Variants in IQSEC1 observed in about 807,000 individuals in gnomAD.
IQSEC1 encodes IQ motif and Sec7 domain ArfGEF 1.
A neutral mutation model predicts 91.0 loss-of-function variants in IQSEC1; 31 were observed. The observed-to-expected ratio is 0.34, with a 90% CI of 0.26 to 0.46. The LOEUF (loss-of-function observed/expected upper bound fraction) is 0.46, where lower values mean the gene tolerates loss of function less well. IQSEC1 is among the 20% of genes least tolerant of loss of function. IQSEC1 has a pLI of 1.00. For missense variants in IQSEC1, 1,388 were observed against 1,575.6 expected, an observed-to-expected ratio of 0.88 and a Z score of 2.02; for synonymous variants, 699 against 662.6, an observed-to-expected ratio of 1.05 and a Z score of -0.84.
At chr3:12,982,609 G>A (rs9852218) in intron 1 of IQSEC1, among the ~76,000 whole-genome samples, 9 of 152,230 alleles carry the variant, frequency 5.9e-5, no homozygotes, top group Non-Finnish European at 1.0e-4. Context: ...GGCCCCCGTG[G>A]GTGTTTAAGT....
At chr3:13,129,328 C>A (rs909353053) in intron 2 of IQSEC1, among the ~76,000 whole-genome samples, 2 of 152,206 alleles carry the variant, frequency 1.3e-5, no homozygotes, top group African/African-American at 4.8e-5. Flanking sequence ...AGCAGTGTCA[C>A]TGTTCTCATT....
intron 1 of IQSEC1, among the ~76,000 whole-genome samples, chr3:13,189,083 G>A (rs1214582978): frequency 6.6e-6 from 1 of 152,232 alleles, no homozygotes; most frequent in Non-Finnish European, 1.5e-5. Flanking sequence ...AGGCTTCTCA[G>A]GGCAGGGCCA....
At chr3:12,943,935 G>A (rs985385856) in intron 1 of IQSEC1, among the ~76,000 whole-genome samples, 12 of 152,170 alleles carry the variant, frequency 7.9e-5, no homozygotes, top group East Asian at 1.9e-4. Flanking sequence ...TCTGGCCTCC[G>A]GGGTCAGGCA....
Position 12,924,092 on chromosome 3 carries a change from A to G in IQSEC1, c.1730+489T>C, listed in dbSNP as rs1036090557. Among the ~76,000 whole-genome samples the G allele has an allele frequency of 3.9e-5, 6 of 152,078 alleles. No homozygotes were observed. Among genetic ancestry groups the G allele is most frequent in the African/African-American group, 1.4e-4 (6 of 41,418 alleles). On this transcript the variant is annotated intron_variant, in intron 4 of 13. Transcript: ENST00000613206. The surrounding 1 kb of genome is among the most constrained non-coding windows in gnomAD (Gnocchi z 6.3). ...CGCCCACGGGGAGGCAGGTCACTTG[A>G]TCTGACTCCCCACCACTCTCCCCAG...
intron 1 of IQSEC1, among the ~76,000 whole-genome samples, chr3:12,960,064 C>T (rs972174751): frequency 7.9e-5 from 12 of 152,280 alleles, no homozygotes; most frequent in African/African-American, 2.9e-4. Context: ...CACTTCCTCT[C>T]CACCCTACCC....
chr3:12,960,147 G>A (rs547207114), intron 1 of IQSEC1: 1 of 152,314 alleles, frequency 6.6e-6, no homozygotes, highest in East Asian at 1.9e-4. Context: ...GCAGTGGGTA[G>A]GGGTCATCAC....
At chr3:13,088,861 C>G (rs1346213129) in intron 2 of IQSEC1, among the ~76,000 whole-genome samples, 1 of 152,230 alleles carries the variant, frequency 6.6e-6, no homozygotes, top group Non-Finnish European at 1.5e-5. Flanking sequence ...CAGGCACTGG[C>G]CCCCACCACT....
intron 3 of IQSEC1, among the ~76,000 whole-genome samples, chr3:12,934,590 G>C (rs184976605): frequency 3.9e-5 from 6 of 152,200 alleles, no homozygotes; most frequent in African/African-American, 4.8e-5. Flanking sequence ...GTTGGTGCCA[G>C]GCCAGCATCT....
At chr3:13,225,516 C>T (rs1694736589) in intron 1 of IQSEC1, among the ~76,000 whole-genome samples, 1 of 152,190 alleles carries the variant, frequency 6.6e-6, no homozygotes, top group Non-Finnish European at 1.5e-5. Context: ...AACAAGCATA[C>T]ATTCACTTGG....
chr3:13,070,471 C>A (rs931771832), intron 1 of IQSEC1, among the ~76,000 whole-genome samples: 1 of 152,192 alleles, frequency 6.6e-6, no homozygotes, highest in Non-Finnish European at 1.5e-5. Flanking sequence ...CCTTTCCACA[C>A]TGAAAGGCAG....
At chr3:13,010,965 C>T (rs1333771892) in intron 1 of IQSEC1, among the ~76,000 whole-genome samples, 4 of 152,206 alleles carry the variant, frequency 2.6e-5, no homozygotes, top group African/African-American at 9.7e-5. Context: ...CTAGAGCTTG[C>T]CTCCTCCTGG....
At chr3:12,923,642 C>A (rs56039401) in intron 4 of IQSEC1, among the ~76,000 whole-genome samples, 16,200 of 152,198 alleles carry the variant, frequency 0.11, 1,053 homozygotes, top group South Asian at 0.21. Flanking sequence ...CCTTGGTTTC[C>A]CCACCCATGA....
At chr3:13,199,791 AT>A (rs67861943) in intron 1 of IQSEC1, among the ~76,000 whole-genome samples, 152,173 of 152,174 alleles carry the variant, frequency 1, 76,086 homozygotes, top group Non-Finnish European at 1. Context: ...CTCCAGGCAA[AT>A]GCTGCCAGGA....
At chr3:12,986,959 C>T (rs1306963579) in intron 1 of IQSEC1, 1 of 407,364 alleles carries the variant, frequency 2.5e-6, no homozygotes, top group South Asian at 1.7e-5. Flanking sequence ...GCCCATCCCA[C>T]CCTTCCCTTA....
At chr3:12,914,102 C>CA (rs1365621136) in intron 8 of IQSEC1, among the ~76,000 whole-genome samples, 3 of 152,242 alleles carry the variant, frequency 2.0e-5, no homozygotes. Context: ...TAAAAGATTC[C>CA]TATGGTCCTG....
upstream of IQSEC1, among the ~76,000 whole-genome samples, chr3:13,077,175 C>T (rs1008531189): frequency 2.0e-5 from 3 of 152,014 alleles, no homozygotes; most frequent in African/African-American, 4.8e-5. Flanking sequence ...TATAGGCATG[C>T]ACCACCAAAC....
chr3:13,014,667 C>T (rs538593335), intron 1 of IQSEC1, among the ~76,000 whole-genome samples: 2 of 152,082 alleles, frequency 1.3e-5, no homozygotes, highest in African/African-American at 2.4e-5. Context: ...GAGGCTGGGT[C>T]GGTAAAAGCT....
chr3:13,154,861 TAAAGACCAATAGGTCAAAAGAG>T (rs150951547), intron 2 of IQSEC1, among the ~76,000 whole-genome samples: 50,204 of 151,470 alleles, frequency 0.33, 8,899 homozygotes, highest in East Asian at 0.53. Context: ...AACACCCTCT[TAAAGACCAATAGGTCAAAAGAG>T]AAAGACCAAT....
At chr3:13,194,858 C>T (rs1299898742) in intron 1 of IQSEC1, among the ~76,000 whole-genome samples, 1 of 152,138 alleles carries the variant, frequency 6.6e-6, no homozygotes, top group Non-Finnish European at 1.5e-5. Context: ...CAAAGTGGAT[C>T]ATCGGCTTAA....
Sources: gnomAD v4.1 joint callset for allele counts (sites outside exome capture counted in the v4.1 genomes callset) on GRCh38, gnomAD v4.1.1 for gene constraint, Gnocchi (gnomAD v3.1) non-coding constraint, MANE v1.5 for transcripts, NCBI Gene and HGNC (gene_info 2026-07-23, HGNC 2026-07-21) for gene names.